PTK2: variants seen among roughly 807,000 people sequenced by gnomAD.
PTK2 encodes protein tyrosine kinase 2.
Under a neutral mutation model 150.1 loss-of-function variants are expected in PTK2, and 45 were observed. The observed-to-expected ratio is 0.30, with a 90% CI of 0.24 to 0.38. PTK2 has a LOEUF of 0.38. Among genes scored for constraint, PTK2 ranks in the 10% least tolerant of loss-of-function variants. The pLI, the probability that PTK2 is intolerant of heterozygous loss-of-function variation, is 1.00. For synonymous variants in PTK2, 432 were observed against 449.2 expected (o/e 0.96, Z 0.48); for missense variants, 919 against 1,307.3 (o/e 0.70, Z 4.58).
chr8:140,855,319 C>T (rs377721303), intron 5 of PTK2, among the ~76,000 whole-genome samples: 40 of 152,124 alleles, frequency 2.6e-4, no homozygotes, highest in African/African-American at 8.9e-4. Context: ...GGGGTCGCCA[C>T]GTGTGGTGGC....
intron 1 of PTK2, among the ~76,000 whole-genome samples, chr8:140,964,150 C>G (rs1199544535): frequency 6.6e-6 from 1 of 151,308 alleles, no homozygotes; most frequent in Admixed American, 6.6e-5. Context: ...CTCCTCCCAC[C>G]TAAGACTGAT....
intron 4 of PTK2, among the ~76,000 whole-genome samples, chr8:140,866,160 TA>T (rs547988352): frequency 6.6e-6 from 1 of 151,076 alleles, no homozygotes; most frequent in Non-Finnish European, 1.5e-5. Context: ...TTCTGCAGAC[TA>T]AAAAAAAATG....
intron 3 of PTK2, among the ~76,000 whole-genome samples, chr8:140,887,988 C>T (rs1407830940): frequency 2.0e-5 from 3 of 152,064 alleles, no homozygotes; most frequent in South Asian, 2.1e-4. Flanking sequence ...AACAATAAGC[C>T]GTATCATTTC....
chr8:140,660,222 C>T (rs765400843), intron 31 of PTK2, among the ~76,000 whole-genome samples: 15 of 152,122 alleles, frequency 9.9e-5, no homozygotes, highest in Non-Finnish European at 1.9e-4. Context: ...ATAATAGAAC[C>T]ACAGAATCTG....
chr8:140,746,114 T>C (rs2100058585), intron 18 of PTK2, among the ~76,000 whole-genome samples: 1 of 152,152 alleles, frequency 6.6e-6, no homozygotes, highest in Admixed American at 6.5e-5. Flanking sequence ...GGCGGATCAC[T>C]TGAGCCAAGG....
chr8:140,841,494 C>T (rs1195536640), intron 7 of PTK2, among the ~76,000 whole-genome samples: 2 of 151,992 alleles, frequency 1.3e-5, no homozygotes, highest in African/African-American at 4.8e-5. Context: ...AATGAATACA[C>T]AAAAGTTTCA....
rs1027714867 is a variant in PTK2, at chr8:140,984,530, T to G, written c.-122+16595A>C. ...GATCCCTGGGTGGCATGTATGCACT[T>G]AAACGCTGAGAAGCCTTCATATAGT... is the stretch of plus-strand genomic sequence containing the variant. On this transcript the variant is annotated intron_variant, in intron 1 of 31. Transcript: ENST00000522684. 2.6e-5 allele frequency among the ~76,000 whole-genome samples: 4 copies of G among 152,054 alleles called. No individual in the cohort carries two copies. In the South Asian group the frequency reaches 8.3e-4, roughly 32 times the overall value.
chr8:140,665,465 C>A (rs906457807), intron 30 of PTK2, among the ~76,000 whole-genome samples: 2 of 152,156 alleles, frequency 1.3e-5, no homozygotes, highest in Non-Finnish European at 2.9e-5. Flanking sequence ...GCCCCGGATG[C>A]AAGGGGGCAG....
intron 7 of PTK2, among the ~76,000 whole-genome samples, chr8:140,838,946 C>T (rs375952431): frequency 5.4e-4 from 81 of 150,352 alleles, no homozygotes; most frequent in Middle Eastern, 3.4e-3. Context: ...GCGGAGCTTG[C>T]AGTGAGCCGA....
chr8:140,822,795 T>C (rs2100109569), intron 8 of PTK2, among the ~76,000 whole-genome samples: 1 of 152,242 alleles, frequency 6.6e-6, no homozygotes, highest in South Asian at 2.1e-4. Context: ...AACTCAATGA[T>C]GTGCTTTTAC....
chr8:140,731,342 A>G (rs1204448821), intron 22 of PTK2, among the ~76,000 whole-genome samples: 1 of 152,210 alleles, frequency 6.6e-6, no homozygotes, highest in Non-Finnish European at 1.5e-5. Flanking sequence ...AGTACGCATT[A>G]TAAGAAAATT....
intron 10 of PTK2, among the ~76,000 whole-genome samples, chr8:140,809,182 A>G (rs1306918570): frequency 6.6e-6 from 1 of 152,234 alleles, no homozygotes; most frequent in Non-Finnish European, 1.5e-5. Flanking sequence ...TTAAAAGGGA[A>G]GAGCACAATA....
At chr8:140,779,292 T>C (rs2100080332) in intron 14 of PTK2, among the ~76,000 whole-genome samples, 1 of 149,708 alleles carries the variant, frequency 6.7e-6, no homozygotes, top group Admixed American at 6.6e-5. Context: ...GCTGGAGGAA[T>C]TGCCTACCAT....
intron 3 of PTK2, among the ~76,000 whole-genome samples, chr8:140,882,073 T>C (rs1001928256): frequency 5.3e-5 from 8 of 152,238 alleles, no homozygotes; most frequent in African/African-American, 1.4e-4. Flanking sequence ...GTTTCATTTT[T>C]TGCTTTCTCA....
intron 30 of PTK2, 99 bp downstream of exon 34, chr8:140,668,170 T>G: frequency 2.2e-6 from 3 of 1,394,060 alleles, no homozygotes; most frequent in Non-Finnish European, 3.0e-6. Flanking sequence ...AGTTCTGACT[T>G]TGGTGGGGCG....
intron 3 of PTK2, among the ~76,000 whole-genome samples, chr8:140,883,973 C>T (rs2100150765): frequency 6.6e-6 from 1 of 152,086 alleles, no homozygotes; most frequent in South Asian, 2.1e-4. Context: ...CTACAGGGCA[C>T]TGCACTCCTT....
chr8:140,962,214 A>G (rs866563840), intron 1 of PTK2, among the ~76,000 whole-genome samples: 7 of 138,900 alleles, frequency 5.0e-5, no homozygotes, highest in Admixed American at 7.1e-5. Flanking sequence ...CTCTGTCTCA[A>G]AATTTAAAAA....
chr8:140,904,378 G>A (rs1187249933), intron 2 of PTK2, among the ~76,000 whole-genome samples: 1 of 152,182 alleles, frequency 6.6e-6, no homozygotes, highest in African/African-American at 2.4e-5. Context: ...GCTTTTTCAT[G>A]TGCTGCTGGA....
At chr8:140,683,937 G>A (rs576315071) in intron 27 of PTK2, among the ~76,000 whole-genome samples, 37 of 152,130 alleles carry the variant, frequency 2.4e-4, no homozygotes, top group Non-Finnish European at 5.0e-4. Context: ...GCACTCCCCT[G>A]AAGAACTGAA....
Sources: allele counts gnomAD v4.1 joint callset (sites outside exome capture counted in the v4.1 genomes callset), GRCh38; gene constraint gnomAD v4.1.1; transcripts MANE v1.5; gene names NCBI Gene and HGNC (gene_info 2026-07-23, HGNC 2026-07-21).